The following RUSF1 variants were observed in gnomAD, a reference collection of about 807,000 sequenced individuals.
RUSF1 encodes RUS family member 1.
RUSF1 carries 58 observed loss-of-function variants against 63.0 expected under a neutral mutation model. That is an observed-to-expected ratio of 0.92 (90% confidence interval 0.75 to 1.15). The LOEUF is 1.15. Ranked by LOEUF, RUSF1 falls within the 50% of genes most tolerant of loss-of-function variation. The pLI is 0.00. For missense variants in RUSF1, 652 were observed against 611.0 expected, an observed-to-expected ratio of 1.07 and a Z score of -0.71; for synonymous variants, 274 against 255.8, an observed-to-expected ratio of 1.07 and a Z score of -0.68.
At chr16:31,501,954 A>T (rs1405641205) in intron 2 of RUSF1, among the ~76,000 whole-genome samples, 1 of 152,246 alleles carries the variant, frequency 6.6e-6, no homozygotes, top group Non-Finnish European at 1.5e-5. Context: ...CAAGACAATG[A>T]CAGAACTGAG....
At chr16:31,498,722 G>A (rs866412588) in intron 5 of RUSF1, among the ~76,000 whole-genome samples, 11 of 152,064 alleles carry the variant, frequency 7.2e-5, no homozygotes, top group South Asian at 2.1e-4. Context: ...TCTCCACCTC[G>A]CCTCCAGACC....
At chr16:31,502,270 C>T (rs1045150652) in intron 2 of RUSF1, among the ~76,000 whole-genome samples, 2 of 152,104 alleles carry the variant, frequency 1.3e-5, no homozygotes, top group African/African-American at 4.8e-5. Context: ...AATGCAATGA[C>T]ACGGGCCAGC....
At position 31,492,351 on chromosome 16, in the gene RUSF1, C is replaced by T. The variant is rs2142643338; in HGVS notation, c.1088-11G>A. 6.5e-7 allele frequency: 1 copy of T among 1,532,420 alleles called. No homozygotes were observed. The highest frequency in any genetic ancestry group is 8.8e-7 in the Non-Finnish European group (1 of 1,140,720). 94.9% of individuals were successfully genotyped at this position (1,532,420 alleles called of 1,614,324 possible). A position where few individuals can be genotyped will look rare whatever the true frequency, so the allele number is the denominator to read the frequency against. ...CTACCTGTACCTGGTCTGGAGGGACCCAGAGACAGACTGGTATCAGGGAAG... is the reference window on the plus strand; with the variant it reads ...CTACCTGTACCTGGTCTGGAGGGACTCAGAGACAGACTGGTATCAGGGAAG... On this transcript the variant is annotated splice_polypyrimidine_tract_variant and intron_variant, in intron 10 of 12. Transcript: ENST00000327237.
At chr16:31,498,775 C>T (rs1234423455) in intron 5 of RUSF1, among the ~76,000 whole-genome samples, 3 of 152,172 alleles carry the variant, frequency 2.0e-5, no homozygotes, top group African/African-American at 2.4e-5. Context: ...CCGCCCTGCA[C>T]CTTAAACTCC....
chr16:31,493,147 G>T, intron 9 of RUSF1, 99 bp from the exon 10 acceptor site: 2 of 1,275,584 alleles, frequency 1.6e-6, no homozygotes, highest in Non-Finnish European at 1.1e-6. Flanking sequence ...AAATGATCCA[G>T]GCTTCACTCA....
At chr16:31,491,858 C>T in intron 12 of RUSF1, 151 bp downstream of exon 12, 1 of 793,896 alleles carries the variant, frequency 1.3e-6, no homozygotes, top group Non-Finnish European at 2.0e-6. Context: ...TTAGGCCTCC[C>T]AAGGCACTAG....
In RUSF1 at chr16:31,508,073, C is replaced by A. The variant is rs547841743; in HGVS notation, c.300+1G>T. On this transcript the variant is annotated splice_donor_variant, in intron 1 of 12. Transcript: ENST00000327237. LOFTEE classifies it high-confidence loss of function. ...CCTCTGCCCCAGACGACCGAGCTGA[C>A]CTGCACGGAATCCCACAGCTGGTAG... 6.2e-7 allele frequency: 1 copy of A among 1,601,250 alleles called. No individual in the cohort carries two copies. The highest frequency in any genetic ancestry group is 1.1e-5 in the South Asian group (1 of 88,812).
Position 31,490,907 on chromosome 16 carries a change from G to C in RUSF1, c.1335C>G (p.Thr445=), listed in dbSNP as rs780387504. The change falls in exon 13 of 13, where the codon ACC becomes ACG. Residue 445 remains threonine, a synonymous_variant. Transcript: ENST00000327237. The part of the protein sequence containing the change: ...LKGLQDAGWK[T]EKHQLEVDEW... ...CATCCACCTCTAGCTGGTGCTTCTC[G>C]GTCTTCCAGCCGGCATCCTGCAGTC... 16 of 1,613,984 alleles carry C rather than the reference G, an allele frequency of 9.9e-6. No individual in the cohort carries two copies. The highest frequency in any genetic ancestry group is 1.3e-5 in the African/African-American group (1 of 74,912).
intron 10 of RUSF1, among the ~76,000 whole-genome samples, chr16:31,492,620 G>A (rs532670812): frequency 8.5e-5 from 13 of 152,222 alleles, no homozygotes; most frequent in East Asian, 1.9e-4. Flanking sequence ...CTCAACCAGC[G>A]GACCAGCACA....
At chr16:31,507,299 C>CT (rs543760031) in intron 2 of RUSF1, among the ~76,000 whole-genome samples, 34 of 152,286 alleles carry the variant, frequency 2.2e-4, no homozygotes, top group South Asian at 2.1e-3. Flanking sequence ...GATAGTCACT[C>CT]TATTATTTAC....
chr16:31,498,011 T>C (rs1325428253), intron 5 of RUSF1, among the ~76,000 whole-genome samples: 2 of 151,898 alleles, frequency 1.3e-5, no homozygotes, highest in African/African-American at 2.4e-5. Flanking sequence ...GACAGGAAGA[T>C]GGAGGAGAGA....
rs571978612 is a variant in RUSF1 at position 31,492,060 on chromosome 16, C to A, written c.1258G>T (p.Val420Phe). 6.2e-7 allele frequency: 1 copy of A among 1,614,176 alleles called. No homozygotes were observed. The highest frequency in any genetic ancestry group is 1.1e-5 in the South Asian group (1 of 91,082). The change falls in exon 12 of 13, where the codon GTC becomes TTC. Residue 420 changes from valine to phenylalanine, a missense_variant. Val to Phe is a conservative substitution (Grantham distance 50, BLOSUM62 -1). Coordinates refer to ENST00000327237, the MANE Select transcript of RUSF1 (RefSeq NM_022744.4). ...AGPKKESWVV[V>F]KETHEVLDML... ...TCCAACACTTCGTGTGTCTCCTTGACGACGACCCAGCTCTCTTTCTTAGGA... is the reference window on the plus strand; with the variant it reads ...TCCAACACTTCGTGTGTCTCCTTGAAGACGACCCAGCTCTCTTTCTTAGGA...
At chr16:31,493,566 G>C (rs750671377) in intron 8 of RUSF1, 37 bp downstream of exon 8, 3 of 1,614,022 alleles carry the variant, frequency 1.9e-6, no homozygotes, top group Non-Finnish European at 2.5e-6. Context: ...AGTGGGAGAG[G>C]TTGAGACACA....
chr16:31,497,033 G>T, intron 5 of RUSF1, 83 bp from the exon 6 acceptor site: 3 of 1,155,290 alleles, frequency 2.6e-6, no homozygotes, highest in East Asian at 5.4e-5. Flanking sequence ...AGAAAACCTG[G>T]CCCCGGCCAA....
chr16:31,492,887 A>C (rs1596625159), intron 10 of RUSF1, 91 bp downstream of exon 10: 1 of 1,350,882 alleles, frequency 7.4e-7, no homozygotes, highest in South Asian at 1.4e-5. Flanking sequence ...GGCAGCCTCC[A>C]AACTGCCCAG....
chr16:31,506,371 A>C (rs532471857), intron 2 of RUSF1, among the ~76,000 whole-genome samples: 7 of 152,380 alleles, frequency 4.6e-5, no homozygotes, highest in African/African-American at 1.4e-4. Flanking sequence ...CCAAAATCCA[A>C]AACACTTCTG....
chr16:31,490,869 G>A lies in RUSF1; in HGVS notation c.1373C>T (p.Thr458Ile), dbSNP rs754439663. 74 of 1,614,052 alleles carry A rather than the reference G, an allele frequency of 4.6e-5. No homozygotes were observed. Among genetic ancestry groups the A allele is most frequent in the Non-Finnish European group, 3.0e-5 (35 of 1,180,040 alleles). The change falls in exon 13 of 13, where the codon ACA (threonine) becomes ATA (isoleucine). Residue 458 changes from threonine (T) to isoleucine (I), a missense_variant. Transcript: ENST00000327237. ...CTTCTTTTCGGGAGACAGAAGCCAT[G>A]TGGCCCTCCACTCATCCACCTCTAG... ...HQLEVDEWRA[T>I]WLLSPEKKVL
Position 31,490,542 on chromosome 16 carries a change from C to T in RUSF1, c.*293G>A, listed in dbSNP as rs1343577216. Reference sequence around the variant, plus strand: ...CTGGGGCTTCTATGCCTAAGACCAACTGCGTTGGACACCATAAGCCACAGC... The same window carrying T: ...CTGGGGCTTCTATGCCTAAGACCAATTGCGTTGGACACCATAAGCCACAGC... On this transcript the variant is annotated 3_prime_UTR_variant, in exon 13 of 13. Transcript: ENST00000327237. 4 of 1,598,552 alleles carry T rather than the reference C, an allele frequency of 2.5e-6. No individual in the cohort carries two copies. The African/African-American group carries it at 5.4e-5, about 21-fold the overall frequency.
In RUSF1 at chr16:31,508,071, G is replaced by C; in HGVS notation, c.300+3C>G. 1 of 1,600,478 alleles carries C rather than the reference G, an allele frequency of 6.2e-7. No homozygotes were observed. Among genetic ancestry groups the C allele is most frequent in the East Asian group, 2.3e-5 (1 of 43,774 alleles). The stretch of plus-strand genomic sequence containing the variant: ...GTCCTCTGCCCCAGACGACCGAGCT[G>C]ACCTGCACGGAATCCCACAGCTGGT... On this transcript the variant is annotated splice_donor_region_variant and intron_variant, in intron 1 of 12. Transcript: ENST00000327237.
Sources: gnomAD v4.1 joint callset for allele counts (sites outside exome capture counted in the v4.1 genomes callset) on GRCh38, gnomAD v4.1.1 for gene constraint, MANE v1.5 for transcripts, NCBI Gene and HGNC (gene_info 2026-07-23, HGNC 2026-07-21) for gene names.